The following LARP4B variants were observed in gnomAD, a reference collection of about 807,000 sequenced individuals.
LARP4B encodes the protein la-related protein 4B.
In LARP4B, 12 loss-of-function variants were observed where a neutral mutation model predicts 89.8. That is an observed-to-expected ratio of 0.13 (90% CI 0.09 to 0.22). The LOEUF is 0.22. Ranked by LOEUF, LARP4B falls within the 10% of genes least tolerant of loss-of-function variation. LARP4B has a pLI of 1.00. For missense variants in LARP4B, 757 were observed against 947.7 expected, an observed-to-expected ratio of 0.80 and a Z score of 2.64; for synonymous variants, 367 against 363.3, an observed-to-expected ratio of 1.01 and a Z score of -0.12.
intron 3 of LARP4B, among the ~76,000 whole-genome samples, chr10:867,862 G>GGAAA (rs1462340173): frequency 1.4e-4 from 6 of 43,386 alleles, no homozygotes; most frequent in African/African-American, 5.4e-4. Flanking sequence ...CTCCATCCTT[G>GGAAA]AAAAAAAAAA....
chr10:816,446 G>C (rs1832059664), intron 15 of LARP4B, among the ~76,000 whole-genome samples: 1 of 152,190 alleles, frequency 6.6e-6, no homozygotes, highest in South Asian at 2.1e-4. Flanking sequence ...AAGCAGCAAT[G>C]GAGCCCACTA....
upstream of LARP4B, among the ~76,000 whole-genome samples, chr10:932,152 C>A (rs1055931113): frequency 2.0e-5 from 3 of 151,996 alleles, no homozygotes; most frequent in African/African-American, 7.2e-5. Context: ...CTAGCCTGTC[C>A]CCAGACCCTG....
At chr10:847,442 A>G (rs1396696522) in intron 5 of LARP4B, among the ~76,000 whole-genome samples, 1 of 152,080 alleles carries the variant, frequency 6.6e-6, no homozygotes, top group Non-Finnish European at 1.5e-5. Flanking sequence ...AAACCAAATA[A>G]GACAGATGAA....
At chr10:832,630 C>A (rs1364329741) in intron 8 of LARP4B, among the ~76,000 whole-genome samples, 1 of 152,140 alleles carries the variant, frequency 6.6e-6, no homozygotes, top group Non-Finnish European at 1.5e-5. Context: ...GTGATAAAAA[C>A]CACAGAAAAC....
chr10:864,314 C>T, intron 3 of LARP4B, 44 bp from the exon 4 acceptor site: 1 of 1,603,710 alleles, frequency 6.2e-7, no homozygotes, highest in Non-Finnish European at 8.5e-7. Context: ...AAATGTCAAC[C>T]AAATACAATT....
At chr10:942,534 A>C in the LARP4B span, 1 of 152,194 alleles carries the variant, frequency 6.6e-6, no homozygotes, top group African/African-American at 2.4e-5. Context: ...TCTCTTTCCA[A>C]TGGAACAGCC....
intron 1 of LARP4B, among the ~76,000 whole-genome samples, chr10:919,543 T>A (rs1193778095): frequency 6.6e-6 from 1 of 152,136 alleles, no homozygotes; most frequent in East Asian, 1.9e-4. Context: ...ACAAGTCCAA[T>A]ACATTGTTGA....
chr10:919,144 ATTAAATAT>A (rs1836911109), intron 1 of LARP4B, among the ~76,000 whole-genome samples: 4 of 152,250 alleles, frequency 2.6e-5, no homozygotes, highest in Admixed American at 1.3e-4. Context: ...TTATTCAACT[ATTAAATAT>A]TTAAATAATT....
upstream of LARP4B, among the ~76,000 whole-genome samples, chr10:933,998 A>G (rs1253551808): frequency 6.6e-6 from 1 of 151,602 alleles, no homozygotes; most frequent in African/African-American, 2.4e-5. Flanking sequence ...ACGCCCAGCT[A>G]ATTTTTTGTA....
chr10:909,283 G>A (rs181799520), intron 1 of LARP4B, among the ~76,000 whole-genome samples: 2,378 of 121,638 alleles, frequency 0.02, 31 homozygotes, highest in Non-Finnish European at 0.03. Context: ...GACAGAGCAC[G>A]ACTCCGTCTC....
intron 1 of LARP4B, among the ~76,000 whole-genome samples, chr10:927,961 C>T (rs1376056851): frequency 6.6e-6 from 1 of 152,070 alleles, no homozygotes; most frequent in African/African-American, 2.4e-5. Context: ...GCCTGCAATC[C>T]CAGCACTTTG....
the LARP4B span, among the ~76,000 whole-genome samples, chr10:966,892 G>T: frequency 0.26 from 38,990 of 151,872 alleles, 5,438 homozygotes; most frequent in African/African-American, 0.37. Flanking sequence ...GAGAGATATC[G>T]CTCCTGGGAT....
chr10:943,897 C>T, the LARP4B span, among the ~76,000 whole-genome samples: 9 of 151,924 alleles, frequency 5.9e-5, no homozygotes, highest in Admixed American at 3.9e-4. Flanking sequence ...TCCCCAGCAC[C>T]TGATACAGGC....
the LARP4B span, among the ~76,000 whole-genome samples, chr10:949,833 G>A: frequency 0.012 from 1,763 of 152,148 alleles, 22 homozygotes; most frequent in Non-Finnish European, 0.018. Context: ...TTTGACACAG[G>A]GTTTCACTGT....
intron 1 of LARP4B, among the ~76,000 whole-genome samples, chr10:899,951 T>C (rs1314237739): frequency 1.3e-5 from 2 of 152,016 alleles, no homozygotes; most frequent in African/African-American, 4.8e-5. Flanking sequence ...AAACAAAATT[T>C]GTAGAAAACA....
At chr10:877,061 C>T (rs528706343) in intron 3 of LARP4B, among the ~76,000 whole-genome samples, 1 of 152,304 alleles carries the variant, frequency 6.6e-6, no homozygotes, top group South Asian at 2.1e-4. Flanking sequence ...AGGTCCGAGG[C>T]GGCTCTGGGC....
chr10:888,995 G>A (rs1202948750), intron 1 of LARP4B, among the ~76,000 whole-genome samples: 1 of 152,080 alleles, frequency 6.6e-6, no homozygotes, highest in South Asian at 2.1e-4. Context: ...TGGGATAGGA[G>A]GACCACCTGA....
At chr10:897,841 A>G (rs143762581) in intron 1 of LARP4B, among the ~76,000 whole-genome samples, 3,309 of 152,098 alleles carry the variant, frequency 0.022, 66 homozygotes, top group Admixed American at 0.065. Context: ...TGCAAAAGTT[A>G]GGCAGGCATG....
At chr10:881,134 C>A (rs539978626) in intron 3 of LARP4B, among the ~76,000 whole-genome samples, 1 of 152,308 alleles carries the variant, frequency 6.6e-6, no homozygotes, top group East Asian at 1.9e-4. Context: ...GGTAAAGAAC[C>A]TTTAACCAAA....
Sources: gnomAD v4.1 joint callset for allele counts (sites outside exome capture counted in the v4.1 genomes callset) on GRCh38, gnomAD v4.1.1 for gene constraint, MANE v1.5 for transcripts, NCBI Gene and HGNC (gene_info 2026-07-23, HGNC 2026-07-21) for gene names.